Variants in SLC30A10 observed in about 807,000 individuals in gnomAD.
SLC30A10 encodes the protein solute carrier family 30 member 10, also known as calcium/manganese antiporter SLC30A10.
SLC30A10 carries 8 observed loss-of-function variants against 21.7 expected under a neutral mutation model. That is an observed-to-expected ratio of 0.37 (90% CI 0.22 to 0.67). The LOEUF is 0.67. SLC30A10 is among the 30% of genes least tolerant of loss of function. The probability of loss-of-function intolerance (pLI) is 0.58; values close to 1 mark genes in which losing one functional copy is unlikely to be tolerated. For synonymous variants in SLC30A10, 272 were observed against 279.4 expected (o/e 0.97, Z 0.26); for missense variants, 521 against 642.5 (o/e 0.81, Z 2.04).
intron 1 of SLC30A10, among the ~76,000 whole-genome samples, chr1:219,949,321 G>A (rs1471289173): frequency 5.0e-4 from 76 of 151,836 alleles, no homozygotes; most frequent in Non-Finnish European, 8.7e-4. Context: ...TGTTTATTGC[G>A]GCACTATTCA....
chr1:219,927,907 G>T lies in SLC30A10; in HGVS notation c.534C>A (p.Arg178=). Residue 178 remains arginine (R), a synonymous_variant, in exon 1 of 4, where the codon CGC becomes CGA. Transcript: ENST00000366926. ...AGCCTGGGGCTGTCGGGTCCGCCGC[G>T]CGCCGCGGGTCCTCCGCGCCCTGAG... is the stretch of plus-strand genomic sequence containing the variant. The part of the protein sequence containing the change: ...GGPQGAEDPR[R]AADPTAPGSD... 2.6e-6 allele frequency: 4 copies of T among 1,537,964 alleles called. No homozygotes were observed. Among genetic ancestry groups the T allele is most frequent in the Non-Finnish European group, 8.8e-7 (1 of 1,142,268 alleles).
intron 1 of SLC30A10, among the ~76,000 whole-genome samples, chr1:219,950,925 G>A (rs1660258394): frequency 6.6e-6 from 1 of 152,172 alleles, no homozygotes; most frequent in Non-Finnish European, 1.5e-5. Flanking sequence ...TCCAACCTAG[G>A]TGACAAGAGC....
chr1:219,915,250 A>G lies in SLC30A10; in HGVS notation c.*199T>C, dbSNP rs1319552848. The G allele has an allele frequency of 2.2e-5, 14 of 640,036 alleles. No homozygotes were observed. In the African/African-American group the frequency reaches 2.2e-4, roughly 10 times the overall value. 39.6% of individuals were successfully genotyped at this position (640,036 alleles called of 1,614,324 possible). The stretch of plus-strand genomic sequence containing the variant: ...AGTCAAAGAGCAGCATGAGACACCC[A>G]GGGGAATGGAAAGGAGTTAGTTACA... On this transcript the variant is annotated 3_prime_UTR_variant, in exon 4 of 4. Transcript: ENST00000366926.
chr1:219,922,189 T>G (rs1327956922), intron 2 of SLC30A10, among the ~76,000 whole-genome samples: 1,157 of 13,412 alleles, frequency 0.086, 159 homozygotes, highest in East Asian at 0.32. Context: ...TTTTTTTTTT[T>G]TTTTTTTTTT....
intron 1 of SLC30A10, among the ~76,000 whole-genome samples, chr1:219,957,157 T>A (rs562874709): frequency 6.6e-6 from 1 of 152,260 alleles, no homozygotes; most frequent in African/African-American, 2.4e-5. Context: ...GAATTTTCCT[T>A]TACAAAAGAT....
chr1:219,917,316 T>A (rs1203000954), intron 3 of SLC30A10, among the ~76,000 whole-genome samples: 2 of 152,156 alleles, frequency 1.3e-5, no homozygotes, highest in African/African-American at 4.8e-5. Context: ...TATCTGTTTT[T>A]AAATATATTA....
intron 1 of SLC30A10, among the ~76,000 whole-genome samples, chr1:219,939,734 T>C (rs1468720032): frequency 6.6e-6 from 1 of 152,116 alleles, no homozygotes; most frequent in Non-Finnish European, 1.5e-5. Flanking sequence ...GGCCCATTTC[T>C]TTCTTTACTT....
In SLC30A10 at chr1:219,926,010, A is replaced by T. The variant is rs1352886774; in HGVS notation, c.718+1018T>A. Among the ~76,000 whole-genome samples the T allele has an allele frequency of 3.2e-4, 49 of 151,108 alleles. 1 individual carries two copies. In the Admixed American group the frequency reaches 3.2e-3, roughly 10 times the overall value. ...CCTTAAAAAAGAGAGATAAAGGATG[A>T]TTTTTTTTTCATTACAGATTCTCTT... On this transcript the variant is annotated intron_variant, in intron 2 of 3. Coordinates refer to ENST00000366926, the MANE Select transcript of SLC30A10 (RefSeq NM_018713.3).
chr1:219,928,045 G>A lies in SLC30A10; in HGVS notation c.396C>T (p.Leu132=), dbSNP rs1472016340. ...LGLLVNVVGL[L]IFQDCAAWFA... ...ACCAGGCGGCGCAGTCCTGGAAGAT[G>A]AGCAGCCCCACCACGTTGACCAACA... is the stretch of plus-strand genomic sequence containing the variant. The change falls in exon 1 of 4, where the codon CTC becomes CTT. Residue 132 remains leucine, a synonymous_variant. Coordinates refer to ENST00000366926, the MANE Select transcript of SLC30A10 (RefSeq NM_018713.3). This position sits in a 1 kb window ranked among gnomAD's most constrained non-coding sequence, Gnocchi z 6.3. 6.3e-7 allele frequency: 1 copy of A among 1,589,120 alleles called. No individual in the cohort carries two copies. The highest frequency in any genetic ancestry group is 1.4e-5 in the African/African-American group (1 of 74,050).
chr1:219,937,336 T>C (rs963088194), intron 1 of SLC30A10, among the ~76,000 whole-genome samples: 1 of 152,250 alleles, frequency 6.6e-6, no homozygotes, highest in African/African-American at 2.4e-5. Flanking sequence ...CATATCAATT[T>C]TCCCTTTTGG....
Position 219,915,750 on chromosome 1 carries a change from T to C in SLC30A10, c.1157A>G (p.Asp386Gly), listed in dbSNP as rs922315420. ...HNVTIQFENV[D>G]LKEPLEQKDL... is the part of the protein sequence containing the mutation. ...CTTCTGCTCCAGGGGTTCCTTCAAG[T>C]CCACATTTTCAAACTGGATGGTCAC... The change falls in exon 4 of 4, where the codon GAC (aspartate) becomes GGC (glycine). Residue 386 changes from aspartate (D) to glycine (G), a missense_variant. Transcript: ENST00000366926. The C allele has an allele frequency of 7.4e-6, 12 of 1,614,036 alleles. No homozygotes were observed. Among genetic ancestry groups the C allele is most frequent in the Non-Finnish European group, 1.0e-5 (12 of 1,180,030 alleles).
At position 219,940,506 on chromosome 1, in the gene SLC30A10, G is replaced by T. The variant is rs574426222; in HGVS notation, n.81-13401C>A. 3.9e-5 allele frequency among the ~76,000 whole-genome samples: 6 copies of T among 152,274 alleles called. No homozygotes were observed. In the South Asian group the frequency reaches 1.2e-3, roughly 32 times the overall value. On this transcript the variant is annotated intron_variant and non_coding_transcript_variant, in intron 1 of 8. Transcript: ENST00000484239. Reference sequence around the variant, plus strand: ...TTGCTATTTTATGCCAGTACATTTGGGATGGTTTGTTATAGAGTAACTGGA... The same window carrying T: ...TTGCTATTTTATGCCAGTACATTTGTGATGGTTTGTTATAGAGTAACTGGA...
At chr1:219,931,407 G>GA (rs1228702578), upstream of SLC30A10, among the ~76,000 whole-genome samples, 4 of 133,502 alleles carry the variant, frequency 3.0e-5, no homozygotes, top group Admixed American at 8.1e-5. Flanking sequence ...AAGCACTGTA[G>GA]AAAAATGTTT....
At chr1:219,945,467 A>G (rs1660174927) in intron 1 of SLC30A10, among the ~76,000 whole-genome samples, 1 of 152,350 alleles carries the variant, frequency 6.6e-6, no homozygotes, top group Non-Finnish European at 1.5e-5. Flanking sequence ...GTTAATGAGA[A>G]CCGAAGTTAA....
intron 1 of SLC30A10, among the ~76,000 whole-genome samples, chr1:219,951,117 C>T (rs1433029457): frequency 2.0e-5 from 3 of 152,100 alleles, no homozygotes; most frequent in Non-Finnish European, 4.4e-5. Context: ...CGCACCACCA[C>T]ATCTGGCTAA....
Position 219,927,857 on chromosome 1 carries a change from C to G in SLC30A10, c.584G>C (p.Gly195Ala). ...PGSDSAVTLR[G>A]TSVERKREKG... is the part of the protein sequence containing the mutation. ...CTCCCGCTTCCTTTCCACCGAGGTC[C>G]CCCGGAGGGTTACGGCCGAGTCCGA... Residue 195 changes from glycine to alanine, a missense_variant, in exon 1 of 4, where the codon GGG becomes GCG. Gly to Ala is a moderately conservative substitution (Grantham distance 60, BLOSUM62 0). Transcript: ENST00000366926. 6.5e-7 allele frequency: 1 copy of G among 1,546,928 alleles called. No homozygotes were observed. The highest frequency in any genetic ancestry group is 8.7e-7 in the Non-Finnish European group (1 of 1,146,636).
rs192142227 is a variant in SLC30A10 at position 219,912,356 on chromosome 1, A to T, written c.*3093T>A. Reference sequence around the variant, plus strand: ...CATGAAAAAAATTAATTATATTTTCAAAAACAATGTTGAGAGTCAGAAAAT... The same window carrying T: ...CATGAAAAAAATTAATTATATTTTCTAAAACAATGTTGAGAGTCAGAAAAT... On this transcript the variant is annotated 3_prime_UTR_variant, in exon 4 of 4. Coordinates refer to ENST00000366926, the MANE Select transcript of SLC30A10 (RefSeq NM_018713.3). Among the ~76,000 whole-genome samples, 197 of 152,192 alleles carry T rather than the reference A, an allele frequency of 1.3e-3. No homozygotes were observed. Among genetic ancestry groups the T allele is most frequent in the African/African-American group, 4.6e-3 (191 of 41,528 alleles).
intron 3 of SLC30A10, among the ~76,000 whole-genome samples, chr1:219,917,649 G>GTAAGT (rs1659574534): frequency 6.7e-6 from 1 of 149,860 alleles, no homozygotes; most frequent in Admixed American, 6.6e-5. Flanking sequence ...TGACATGAAA[G>GTAAGT]TAAGTAGCCC....
At chr1:219,933,014 T>A (rs1271272651), upstream of SLC30A10, among the ~76,000 whole-genome samples, 2 of 150,648 alleles carry the variant, frequency 1.3e-5, no homozygotes, top group Non-Finnish European at 3.0e-5. Context: ...TGAGCCGAGA[T>A]CCTGCCATTG....
Sources: allele counts gnomAD v4.1 joint callset (sites outside exome capture counted in the v4.1 genomes callset), GRCh38; gene constraint gnomAD v4.1.1; non-coding constraint Gnocchi (gnomAD v3.1); transcripts MANE v1.5; gene names NCBI Gene and HGNC (gene_info 2026-07-23, HGNC 2026-07-21).